TCF12: variants seen among roughly 807,000 people sequenced by gnomAD.
TCF12 encodes the protein transcription factor 12.
In TCF12, 45 loss-of-function variants were observed where a neutral mutation model predicts 86.0. That is an observed-to-expected ratio of 0.52 (90% CI 0.41 to 0.67). The LOEUF is 0.67. Ranked by LOEUF, TCF12 falls within the 30% of genes least tolerant of loss-of-function variation. The pLI, the probability that TCF12 is intolerant of heterozygous loss-of-function variation, is 0.00. For missense variants in TCF12, 881 were observed against 859.9 expected, an observed-to-expected ratio of 1.02 and a Z score of -0.31; for synonymous variants, 330 against 299.6, an observed-to-expected ratio of 1.10 and a Z score of -1.05.
intron 5 of TCF12, among the ~76,000 whole-genome samples, chr15:57,110,824 G>A (rs1384862813): frequency 6.6e-6 from 1 of 152,148 alleles, no homozygotes; most frequent in African/African-American, 2.4e-5. Context: ...GCCAACTGAT[G>A]TTAAAAAGAT....
intron 3 of TCF12, among the ~76,000 whole-genome samples, chr15:56,989,791 G>A (rs2063354215): frequency 2.6e-5 from 4 of 152,148 alleles, no homozygotes; most frequent in Admixed American, 2.0e-4. Context: ...CAGGAAACAG[G>A]AAACTGTTAC....
In TCF12 at chr15:57,251,386, C is replaced by G; in HGVS notation, c.1151C>G (p.Pro384Arg). ...TGGCCAAGACCTGGAGGGCAAGCACCTTCATCCCCAAGCTATGAAAACTCA... is the reference window on the plus strand; with the variant it reads ...TGGCCAAGACCTGGAGGGCAAGCACGTTCATCCCCAAGCTATGAAAACTCA... ...SQWPRPGGQAPSSPSYENSLH... is the reference protein window; with the variant it reads ...SQWPRPGGQARSSPSYENSLH... The change falls in exon 14 of 21, where the codon CCT becomes CGT. Residue 384 changes from proline (P) to arginine (R), a missense_variant. This residue lies in a region of TCF12 where 766 missense variants were observed against 718.9 expected (regional missense o/e 1.07). Coordinates refer to ENST00000333725, the MANE Select transcript of TCF12 (RefSeq NM_207037.2). 6 of 1,613,922 alleles carry G rather than the reference C, an allele frequency of 3.7e-6. No homozygotes were observed. The highest frequency in any genetic ancestry group is 5.1e-6 in the Non-Finnish European group (6 of 1,179,894).
At chr15:56,998,612 T>C (rs112630938) in intron 3 of TCF12, among the ~76,000 whole-genome samples, 1,782 of 152,234 alleles carry the variant, frequency 0.012, 36 homozygotes, top group African/African-American at 0.04. Context: ...CAAAATTCTT[T>C]TCTTAGGAAT....
intron 6 of TCF12, among the ~76,000 whole-genome samples, chr15:57,170,802 A>T (rs866907541): frequency 4.3e-5 from 1 of 23,010 alleles, no homozygotes; most frequent in African/African-American, 1.9e-4. Flanking sequence ...ATATATATAT[A>T]TAATTTTTTT....
At chr15:56,960,423 G>A (rs888323038) in intron 3 of TCF12, among the ~76,000 whole-genome samples, 1 of 135,618 alleles carries the variant, frequency 7.4e-6, no homozygotes. Flanking sequence ...CAAGGCTACT[G>A]TATTGTATTT....
chr15:57,241,479 C>G (rs2151963068), intron 12 of TCF12, among the ~76,000 whole-genome samples: 1 of 152,160 alleles, frequency 6.6e-6, no homozygotes, highest in African/African-American at 2.4e-5. Flanking sequence ...TCCAAAATAG[C>G]TTTTTAAATA....
In TCF12 at chr15:57,273,257, T is replaced by G; in HGVS notation, c.1973T>G (p.Val658Gly). ...VAVILSLEQQ[V>G]RERNLNPKAA... ...GTCATCCTTAGTCTAGAACAGCAAG[T>G]CAGAGGTAAGTAGGTTCAGCCGAGA... Residue 658 changes from valine to glycine, a missense_variant, in exon 19 of 21, where the codon GTC (valine) becomes GGC (glycine). Physicochemically the swap from Val to Gly is moderately radical, Grantham distance 109. Coordinates refer to ENST00000333725, the MANE Select transcript of TCF12 (RefSeq NM_207037.2). 1 of 1,614,088 alleles carries G rather than the reference T, an allele frequency of 6.2e-7. No homozygotes were observed. The highest frequency in any genetic ancestry group is 8.5e-7 in the Non-Finnish European group (1 of 1,179,968).
At chr15:57,209,712 C>G (rs1293006315) in intron 8 of TCF12, among the ~76,000 whole-genome samples, 2 of 152,164 alleles carry the variant, frequency 1.3e-5, no homozygotes, top group Non-Finnish European at 2.9e-5. Context: ...TAGGTCAGAT[C>G]ATATACTCCT....
chr15:57,187,361 G>A (rs1172463724), intron 6 of TCF12, among the ~76,000 whole-genome samples: 1 of 152,022 alleles, frequency 6.6e-6, no homozygotes, highest in Non-Finnish European at 1.5e-5. Flanking sequence ...ACAAAACAGT[G>A]TTTTCTACTT....
intron 5 of TCF12, among the ~76,000 whole-genome samples, chr15:57,107,129 G>A (rs1341044699): frequency 6.6e-6 from 1 of 152,186 alleles, no homozygotes; most frequent in Non-Finnish European, 1.5e-5. Context: ...GTTTATAGCA[G>A]CTTTGTTCAT....
rs187763823 is a variant in TCF12 at position 56,956,843 on chromosome 15, C to T, written c.148+35745C>T. Among the ~76,000 whole-genome samples, 11 of 151,696 alleles carry T rather than the reference C, an allele frequency of 7.3e-5. No individual in the cohort carries two copies. In the East Asian group the frequency reaches 1.9e-3, roughly 27 times the overall value. On this transcript the variant is annotated intron_variant, in intron 3 of 20. Transcript: ENST00000333725. ...GATTTTGAGCAATTTTATTATGTGA[C>T]TTGTTACAATGTTTTCATGTTTCTT... is the stretch of plus-strand genomic sequence containing the variant.
intron 3 of TCF12, among the ~76,000 whole-genome samples, chr15:56,933,213 CA>C (rs1348538153): frequency 6.6e-6 from 1 of 151,916 alleles, no homozygotes; most frequent in African/African-American, 2.4e-5. Flanking sequence ...ATATTTATTC[CA>C]AAAGTAGTTT....
At position 57,123,982 on chromosome 15, in the gene TCF12, AT is replaced by A. The variant is rs1555511575; in HGVS notation, c.325+32105del. Among the ~76,000 whole-genome samples, 339 of 111,262 alleles carry A rather than the reference AT, an allele frequency of 3.0e-3. 12 individuals carry two copies. The East Asian group carries it at 0.061, about 20-fold the overall frequency. 73.0% of individuals were successfully genotyped at this position (111,262 alleles called of 152,430 possible). ...AGACTCCGTCTCAAAAAAAAAAAAAATTTTTTTTTTTTTTCCATAGGGACAC... is the reference window on the plus strand; with the variant it reads ...AGACTCCGTCTCAAAAAAAAAAAAAATTTTTTTTTTTTTCCATAGGGACAC... On this transcript the variant is annotated intron_variant, in intron 5 of 20. Transcript: ENST00000333725.
chr15:57,102,063 T>C (rs1163388556), intron 5 of TCF12, among the ~76,000 whole-genome samples: 3 of 151,024 alleles, frequency 2.0e-5, no homozygotes, highest in East Asian at 3.9e-4. Flanking sequence ...TAGGTAGTTA[T>C]ATGTTTATGA....
At chr15:56,977,290 T>A (rs771594827) in intron 3 of TCF12, among the ~76,000 whole-genome samples, 2 of 152,060 alleles carry the variant, frequency 1.3e-5, no homozygotes, top group African/African-American at 4.8e-5. Flanking sequence ...CCTAGCACTT[T>A]GGGAGGCCGA....
chr15:57,091,537 G>A (rs1182019473), intron 4 of TCF12, among the ~76,000 whole-genome samples: 2 of 152,030 alleles, frequency 1.3e-5, no homozygotes, highest in Admixed American at 6.6e-5. Context: ...GAAAACATTC[G>A]TGCTCATGGT....
chr15:57,212,009 T>C (rs1387622012), intron 8 of TCF12, among the ~76,000 whole-genome samples: 1 of 146,492 alleles, frequency 6.8e-6, no homozygotes, highest in Non-Finnish European at 1.5e-5. Flanking sequence ...ACACACACAC[T>C]TTAAGATTGG....
intron 5 of TCF12, among the ~76,000 whole-genome samples, chr15:57,128,021 A>G (rs2051804332): frequency 1.3e-5 from 2 of 151,896 alleles, no homozygotes; most frequent in East Asian, 3.9e-4. Flanking sequence ...CATGGATGCA[A>G]CTCCATTGTT....
intron 5 of TCF12, among the ~76,000 whole-genome samples, chr15:57,154,490 C>G (rs898744372): frequency 5.3e-5 from 8 of 152,190 alleles, no homozygotes; most frequent in Non-Finnish European, 8.8e-5. Flanking sequence ...TCAAACATAT[C>G]TACCCTTTTT....
Sources: allele counts gnomAD v4.1 joint callset (sites outside exome capture counted in the v4.1 genomes callset), GRCh38; gene constraint gnomAD v4.1.1; regional missense constraint gnomAD v4.1.1; transcripts MANE v1.5; gene names NCBI Gene and HGNC (gene_info 2026-07-23, HGNC 2026-07-21).